FAR2: variants seen among roughly 807,000 people sequenced by gnomAD.
FAR2 encodes epididymis secretory protein Li 81.
In FAR2, 19 loss-of-function variants were observed where a neutral mutation model predicts 56.0. The observed-to-expected ratio is 0.34, with a 90% CI of 0.24 to 0.50. The LOEUF (loss-of-function observed/expected upper bound fraction) is 0.50, where lower values mean the gene tolerates loss of function less well. Ranked by LOEUF, FAR2 falls within the 20% of genes least tolerant of loss-of-function variation. FAR2 has a pLI of 0.98. For missense variants in FAR2, 508 were observed against 642.2 expected (o/e 0.79, Z 2.26); for synonymous variants, 219 against 218.8 (o/e 1.00, Z -0.01).
At chr12:29,210,313 G>A (rs1370508580) in intron 1 of FAR2, among the ~76,000 whole-genome samples, 2 of 151,986 alleles carry the variant, frequency 1.3e-5, no homozygotes, top group Non-Finnish European at 2.9e-5. Flanking sequence ...TTTACTCTAA[G>A]ATACTCTAAT....
intron 1 of FAR2, among the ~76,000 whole-genome samples, chr12:29,243,549 C>T (rs1220062414): frequency 6.6e-6 from 1 of 152,170 alleles, no homozygotes; most frequent in Non-Finnish European, 1.5e-5. Flanking sequence ...GAAACCACTG[C>T]TATCTGGTAT....
At chr12:29,274,613 C>G (rs1948675404) in intron 2 of FAR2, among the ~76,000 whole-genome samples, 2 of 152,038 alleles carry the variant, frequency 1.3e-5, no homozygotes. Context: ...CGTACACATC[C>G]AGCTGGCCGG....
chr12:29,235,941 A>T (rs978476633), intron 1 of FAR2, among the ~76,000 whole-genome samples: 5 of 152,184 alleles, frequency 3.3e-5, no homozygotes, highest in African/African-American at 1.2e-4. Context: ...GTCAACAGGT[A>T]CAAACAGGTA....
At chr12:29,332,930 C>T in intron 11 of FAR2, 2 of 647,292 alleles carry the variant, frequency 3.1e-6, no homozygotes, top group South Asian at 3.0e-5. Context: ...TTTTGTTACC[C>T]CATTTTTATG....
intron 1 of FAR2, among the ~76,000 whole-genome samples, chr12:29,253,143 C>T (rs544802909): frequency 2.9e-4 from 44 of 151,518 alleles, no homozygotes; most frequent in Admixed American, 2.3e-3. Flanking sequence ...CTGTGTGAGA[C>T]GACTTCTTAA....
At chr12:29,332,445 T>C (rs545425240) in intron 10 of FAR2, among the ~76,000 whole-genome samples, 155 bp from the exon 11 acceptor site, 1 of 152,218 alleles carries the variant, frequency 6.6e-6, no homozygotes, top group East Asian at 1.9e-4. Context: ...TCAGTACCTT[T>C]GAAATAATGA....
In FAR2 at chr12:29,327,303, A is replaced by C. The variant is rs1466858267; in HGVS notation, c.1258-5297A>C. Among the ~76,000 whole-genome samples, 11 of 152,342 alleles carry C rather than the reference A, an allele frequency of 7.2e-5. No individual in the cohort carries two copies. In the South Asian group the frequency reaches 1.7e-3, roughly 23 times the overall value. On this transcript the variant is annotated intron_variant, in intron 10 of 11. Coordinates refer to ENST00000536681, the MANE Select transcript of FAR2 (RefSeq NM_001271783.2). Reference sequence around the variant, plus strand: ...TCCATGCTCATGGGTAGGAAGAATCAATATCGTGAAAATGGCCATACTGCC... The same window carrying C: ...TCCATGCTCATGGGTAGGAAGAATCCATATCGTGAAAATGGCCATACTGCC...
Position 29,198,169 on chromosome 12 carries a change from G to T in FAR2, c.-39+48762G>T, listed in dbSNP as rs561957858. On this transcript the variant is annotated intron_variant, in intron 1 of 11. Transcript: ENST00000536681. ...ATGCTTACTGTTTTGACACAGTTTT[G>T]CGCATAGGTGATATATTTATATTCT... Among the ~76,000 whole-genome samples the T allele has an allele frequency of 3.7e-4, 56 of 152,096 alleles. 1 individual carries two copies. The highest frequency in any genetic ancestry group is 1.3e-3 in the African/African-American group (56 of 41,508).
At chr12:29,209,753 T>C (rs1484926404) in intron 1 of FAR2, among the ~76,000 whole-genome samples, 2 of 151,714 alleles carry the variant, frequency 1.3e-5, no homozygotes, top group African/African-American at 4.8e-5. Context: ...AAAGAATGCG[T>C]AAAAGAAAGA....
intron 1 of FAR2, among the ~76,000 whole-genome samples, chr12:29,257,530 C>A (rs1343585758): frequency 6.6e-6 from 1 of 152,188 alleles, no homozygotes; most frequent in Non-Finnish European, 1.5e-5. Flanking sequence ...TCGCTCTTTG[C>A]AATAAATCTT....
At position 29,335,534 on chromosome 12, in the gene FAR2, G is replaced by GT. The variant is rs558718684; in HGVS notation, c.*1741dup. The stretch of plus-strand genomic sequence containing the variant: ...TAGTTCTAAGAATTCACTTTTGATT[G>GT]TATGTTTTACCAATTCAATAATTCC... On this transcript the variant is annotated 3_prime_UTR_variant, in exon 12 of 12. Coordinates refer to ENST00000536681, the MANE Select transcript of FAR2 (RefSeq NM_001271783.2). 7.2e-5 allele frequency: 11 copies of GT among 152,114 alleles called. No homozygotes were observed. Among genetic ancestry groups the GT allele is most frequent in the Non-Finnish European group, 1.6e-4 (11 of 68,016 alleles). The allele number at this position is 152,114 out of a possible 1,614,324, so 9.4% of individuals were successfully genotyped here. A position where few individuals can be genotyped will look rare whatever the true frequency, so the allele number is the denominator to read the frequency against.
Position 29,328,147 on chromosome 12 carries a change from T to A in FAR2, c.1258-4453T>A, listed in dbSNP as rs1949677779. Among the ~76,000 whole-genome samples the A allele has an allele frequency of 2.0e-5, 3 of 151,906 alleles. No homozygotes were observed. In the South Asian group the frequency reaches 6.2e-4, roughly 32 times the overall value. On this transcript the variant is annotated intron_variant, in intron 10 of 11. Transcript: ENST00000536681. The stretch of plus-strand genomic sequence containing the variant: ...GACATTTATGCAGCCAAAAAACACA[T>A]GAAAAAATGCTCATCATCACTGGCC...
intron 4 of FAR2, among the ~76,000 whole-genome samples, chr12:29,307,407 G>GCCTGCCTA (rs1555122818): frequency 2.0e-5 from 3 of 151,198 alleles, no homozygotes; most frequent in African/African-American, 7.3e-5. Flanking sequence ...CTACCTGCCT[G>GCCTGCCTA]CCTACCTACC....
intron 1 of FAR2, among the ~76,000 whole-genome samples, chr12:29,179,554 C>A (rs551365092): frequency 6.6e-6 from 1 of 152,284 alleles, no homozygotes; most frequent in East Asian, 1.9e-4. Flanking sequence ...GGCATTCACA[C>A]CCCGACCTAT....
At chr12:29,326,702 A>G (rs1476940796) in intron 10 of FAR2, among the ~76,000 whole-genome samples, 1 of 152,170 alleles carries the variant, frequency 6.6e-6, no homozygotes, top group Non-Finnish European at 1.5e-5. Context: ...AAATTCAACA[A>G]CACTTCATGC....
chr12:29,217,832 G>A (rs1325571385), intron 1 of FAR2, among the ~76,000 whole-genome samples: 1 of 152,040 alleles, frequency 6.6e-6, no homozygotes, highest in Non-Finnish European at 1.5e-5. Context: ...AATAGAAATA[G>A]CACATAGAGG....
chr12:29,279,101 C>T (rs779435587), intron 2 of FAR2, among the ~76,000 whole-genome samples: 1 of 152,128 alleles, frequency 6.6e-6, no homozygotes, highest in Non-Finnish European at 1.5e-5. Context: ...GCATCCCTGC[C>T]CTGTAATAAA....
At chr12:29,262,516 G>A (rs1187482751) in intron 1 of FAR2, among the ~76,000 whole-genome samples, 2 of 152,146 alleles carry the variant, frequency 1.3e-5, no homozygotes, top group Non-Finnish European at 2.9e-5. Flanking sequence ...TGTAATCCCA[G>A]CTACTCAGGA....
At chr12:29,324,543 A>C (rs982952845) in intron 10 of FAR2, among the ~76,000 whole-genome samples, 8 of 152,210 alleles carry the variant, frequency 5.3e-5, no homozygotes, top group African/African-American at 4.8e-5. Flanking sequence ...AGACTAACAG[A>C]TGATCTCTCG....
Sources: allele counts gnomAD v4.1 joint callset (sites outside exome capture counted in the v4.1 genomes callset), GRCh38; gene constraint gnomAD v4.1.1; transcripts MANE v1.5; gene names NCBI Gene and HGNC (gene_info 2026-07-23, HGNC 2026-07-21).